The following PCDH9 variants were observed in gnomAD, a reference collection of about 807,000 sequenced individuals.
PCDH9 encodes the protein protocadherin 9, also known as protocadherin-9.
Under a neutral mutation model 70.6 loss-of-function variants are expected in PCDH9, and 24 were observed. That is an observed-to-expected ratio of 0.34 (90% CI 0.25 to 0.48). The LOEUF (loss-of-function observed/expected upper bound fraction) is 0.48, where lower values mean the gene tolerates loss of function less well. PCDH9 is among the 20% of genes least tolerant of loss of function. The probability of loss-of-function intolerance (pLI) is 0.99; values close to 1 mark genes in which losing one functional copy is unlikely to be tolerated. For synonymous variants in PCDH9, 562 were observed against 558.5 expected (o/e 1.01, Z -0.09); for missense variants, 1,281 against 1,503.6 (o/e 0.85, Z 2.45).
intron 2 of PCDH9, among the ~76,000 whole-genome samples, chr13:67,155,040 T>C (rs1362786312): frequency 1.3e-5 from 2 of 152,132 alleles, no homozygotes; most frequent in Non-Finnish European, 2.9e-5. Flanking sequence ...TCTTACTGTG[T>C]TTCTTTTGTC....
At chr13:66,648,090 C>T (rs2077796800) in intron 3 of PCDH9, among the ~76,000 whole-genome samples, 1 of 152,204 alleles carries the variant, frequency 6.6e-6, no homozygotes, top group African/African-American at 2.4e-5. Flanking sequence ...GCTTTGGCTT[C>T]CAGACAACAT....
intron 4 of PCDH9, among the ~76,000 whole-genome samples, chr13:66,620,696 T>C (rs1351810442): frequency 6.9e-6 from 1 of 144,716 alleles, no homozygotes; most frequent in Non-Finnish European, 1.5e-5. Context: ...TCAGTGTTCC[T>C]TTTTTTTTTG....
intron 4 of PCDH9, among the ~76,000 whole-genome samples, chr13:66,623,127 A>G (rs969344740): frequency 6.6e-6 from 1 of 152,226 alleles, no homozygotes; most frequent in Non-Finnish European, 1.5e-5. Flanking sequence ...AAGAACTGTA[A>G]CACTCACCGC....
At chr13:67,013,432 G>T (rs1417762759) in intron 2 of PCDH9, among the ~76,000 whole-genome samples, 1 of 151,596 alleles carries the variant, frequency 6.6e-6, no homozygotes, top group Non-Finnish European at 1.5e-5. Context: ...TCATCTTCTG[G>T]ATGTAGATTT....
At chr13:66,390,059 A>G (rs1041584185) in intron 4 of PCDH9, among the ~76,000 whole-genome samples, 4 of 152,190 alleles carry the variant, frequency 2.6e-5, no homozygotes, top group African/African-American at 9.6e-5. Context: ...TCAAGCACAT[A>G]TATCTAAATG....
intron 4 of PCDH9, among the ~76,000 whole-genome samples, chr13:66,382,850 G>T (rs1354815106): frequency 6.6e-6 from 1 of 152,096 alleles, no homozygotes; most frequent in Non-Finnish European, 1.5e-5. Context: ...GGCCAACATG[G>T]TGAAACTCTG....
At chr13:66,500,082 C>T (rs530253831) in intron 4 of PCDH9, among the ~76,000 whole-genome samples, 2 of 152,258 alleles carry the variant, frequency 1.3e-5, no homozygotes, top group Admixed American at 6.5e-5. Context: ...TATAGCGATG[C>T]GAATGGACTA....
At chr13:66,743,491 TA>T (rs1273452779) in intron 3 of PCDH9, among the ~76,000 whole-genome samples, 6 of 121,916 alleles carry the variant, frequency 4.9e-5, no homozygotes, top group Non-Finnish European at 8.9e-5. Context: ...ACTTAAAGTA[TA>T]ATAAAAAAAA....
intron 2 of PCDH9, among the ~76,000 whole-genome samples, chr13:67,036,023 C>G (rs2085002652): frequency 6.6e-6 from 1 of 152,122 alleles, no homozygotes; most frequent in African/African-American, 2.4e-5. Context: ...TTCCAAAACT[C>G]TAATAAACTT....
intron 4 of PCDH9, among the ~76,000 whole-genome samples, chr13:66,617,168 C>T (rs1056444520): frequency 6.6e-6 from 1 of 152,160 alleles, no homozygotes; most frequent in Non-Finnish European, 1.5e-5. Flanking sequence ...TTTCTCTAGG[C>T]GCCCCCTGAT....
At chr13:66,352,891 C>T (rs1329023663) in intron 4 of PCDH9, among the ~76,000 whole-genome samples, 7 of 152,154 alleles carry the variant, frequency 4.6e-5, no homozygotes, top group South Asian at 2.1e-4. Flanking sequence ...CAGAAAAGCA[C>T]CACAGCACTG....
intron 3 of PCDH9, among the ~76,000 whole-genome samples, chr13:66,702,779 C>G (rs965890188): frequency 6.6e-6 from 1 of 151,944 alleles, no homozygotes; most frequent in African/African-American, 2.4e-5. Flanking sequence ...ATAAAGGAAA[C>G]CTGGATGAAG....
At chr13:66,810,693 T>G (rs2080488671) in intron 3 of PCDH9, among the ~76,000 whole-genome samples, 1 of 151,888 alleles carries the variant, frequency 6.6e-6, no homozygotes, top group South Asian at 2.1e-4. Context: ...TGCTGCAAAA[T>G]TTCTATCCAA....
intron 4 of PCDH9, among the ~76,000 whole-genome samples, chr13:66,498,294 A>G (rs573587562): frequency 4.1e-4 from 62 of 151,692 alleles, no homozygotes; most frequent in African/African-American, 1.4e-3. Context: ...ACAGGCGCCC[A>G]CCACCACGCC....
intron 2 of PCDH9, among the ~76,000 whole-genome samples, chr13:66,910,903 A>G (rs1286281696): frequency 6.6e-6 from 1 of 152,176 alleles, no homozygotes; most frequent in Non-Finnish European, 1.5e-5. Context: ...TGCGTGTTCC[A>G]TTGAGTTTCT....
At chr13:66,547,292 G>C (rs1256621098) in intron 4 of PCDH9, among the ~76,000 whole-genome samples, 1 of 152,132 alleles carries the variant, frequency 6.6e-6, no homozygotes, top group Non-Finnish European at 1.5e-5. Flanking sequence ...CTTAATCTGA[G>C]GGTATTATAT....
rs1435295953 is a variant in PCDH9, at chr13:67,225,978, G to T, written c.2463C>A (p.Ala821=). The T allele has an allele frequency of 2.5e-6, 4 of 1,613,898 alleles. No individual in the cohort carries two copies. Among genetic ancestry groups the T allele is most frequent in the Non-Finnish European group, 8.5e-7 (1 of 1,179,846 alleles). The change falls in exon 2 of 5, where the codon GCC becomes GCA. Residue 821 remains alanine (A), a synonymous_variant. Coordinates refer to ENST00000377865, the MANE Select transcript of PCDH9 (RefSeq NM_203487.3). The part of the protein sequence containing the change: ...DYLTIMIAII[A]GAMVVIVVIF... Reference sequence around the variant, plus strand: ...TCACAACAATGACCACCATGGCACCGGCGATGATGGCAATCATGATGGTTA... The same window carrying T: ...TCACAACAATGACCACCATGGCACCTGCGATGATGGCAATCATGATGGTTA...
intron 2 of PCDH9, among the ~76,000 whole-genome samples, chr13:66,983,209 AC>A (rs1231310796): frequency 6.6e-6 from 1 of 152,194 alleles, no homozygotes; most frequent in African/African-American, 2.4e-5. Context: ...CTGCACGTGT[AC>A]CCCAGAACTT....
intron 3 of PCDH9, among the ~76,000 whole-genome samples, chr13:66,760,703 A>C (rs2079611277): frequency 6.6e-6 from 1 of 152,188 alleles, no homozygotes; most frequent in African/African-American, 2.4e-5. Context: ...CTGCGGTGCC[A>C]GGCAGAACAG....
Sources: gnomAD v4.1 joint callset for allele counts (sites outside exome capture counted in the v4.1 genomes callset) on GRCh38, gnomAD v4.1.1 for gene constraint, MANE v1.5 for transcripts, NCBI Gene and HGNC (gene_info 2026-07-23, HGNC 2026-07-21) for gene names.